CHRNA7: variants seen among roughly 807,000 people sequenced by gnomAD.
The protein encoded by CHRNA7 is neuronal acetylcholine receptor subunit alpha-7.
A neutral mutation model predicts 48.0 loss-of-function variants in CHRNA7; 17 were observed. The observed-to-expected ratio is 0.35, with a 90% CI of 0.24 to 0.53. CHRNA7 has a LOEUF of 0.53. CHRNA7 is among the 20% of genes least tolerant of loss of function. The pLI is 0.92. For missense variants in CHRNA7, 155 were observed against 577.7 expected (o/e 0.27, Z 7.50); for synonymous variants, 75 against 242.3 (o/e 0.31, Z 6.41).
At chr15:32,152,990 G>A (rs1176984696) in intron 4 of CHRNA7, among the ~76,000 whole-genome samples, 1 of 152,096 alleles carries the variant, frequency 6.6e-6, no homozygotes, top group African/African-American at 2.4e-5. Flanking sequence ...AGGGGCAGTG[G>A]TGCATCCGTC....
rs191086220 is a variant in CHRNA7 at position 32,039,253 on chromosome 15, A to G, written c.195+8216A>G. 1.2e-3 allele frequency among the ~76,000 whole-genome samples: 180 copies of G among 152,040 alleles called. 5 individuals carry two copies. Among genetic ancestry groups the G allele is most frequent in the Non-Finnish European group, 1.1e-3 (76 of 67,942 alleles). On this transcript the variant is annotated intron_variant, in intron 2 of 9. Coordinates refer to ENST00000306901, the MANE Select transcript of CHRNA7 (RefSeq NM_000746.6). ...TTCCTCTATTGATTTCCTGTTTACA[A>G]TTTTGTTGATTTCTACTCTAATTTT...
intron 9 of CHRNA7, chr15:32,166,397 C>T (rs1245414785): frequency 6.6e-6 from 1 of 152,216 alleles, no homozygotes; most frequent in Admixed American, 6.5e-5. Context: ...CTTTCCAGGA[C>T]ACGCAGAGTG....
chr15:32,035,934 C>T (rs1038027672), intron 2 of CHRNA7, among the ~76,000 whole-genome samples: 4 of 152,088 alleles, frequency 2.6e-5, no homozygotes, highest in East Asian at 1.9e-4. Flanking sequence ...TCATCATCAC[C>T]CCAAATGCAT....
At chr15:32,062,676 G>A (rs1373943590) in intron 2 of CHRNA7, among the ~76,000 whole-genome samples, 2 of 152,122 alleles carry the variant, frequency 1.3e-5, no homozygotes, top group Non-Finnish European at 2.9e-5. Flanking sequence ...CATCAACTGA[G>A]TATTCTATGA....
In CHRNA7 at chr15:32,030,550, C is replaced by G. The variant is rs200201606; in HGVS notation, c.-45C>G. The G allele has an allele frequency of 6.9e-7, 1 of 1,442,858 alleles. No homozygotes were observed. The highest frequency in any genetic ancestry group is 3.0e-5 in the East Asian group (1 of 33,156). The allele number at this position is 1,442,858 out of a possible 1,614,324, so 89.4% of individuals were successfully genotyped here. On this transcript the variant is annotated 5_prime_UTR_variant, in exon 1 of 10. Coordinates refer to ENST00000306901, the MANE Select transcript of CHRNA7 (RefSeq NM_000746.6). ...CCGCAGGCGCAGGCCCGGGCGACAG[C>G]CGAGACGTGGAGCGCGCCGGCTCGC...
intron 2 of CHRNA7, among the ~76,000 whole-genome samples, chr15:32,078,201 T>G (rs1421296727): frequency 6.6e-6 from 1 of 152,204 alleles, no homozygotes; most frequent in Admixed American, 6.5e-5. Context: ...AATTTTCTTT[T>G]GCAGAGGAGA....
chr15:32,048,426 A>G (rs529968825), intron 2 of CHRNA7, among the ~76,000 whole-genome samples: 21 of 152,052 alleles, frequency 1.4e-4, no homozygotes, highest in Non-Finnish European at 7.4e-5. Flanking sequence ...GGAATTTACC[A>G]TTTCTTCTAG....
At chr15:32,100,654 C>T (rs970551086) in intron 2 of CHRNA7, 2 of 154,526 alleles carry the variant, frequency 1.3e-5, no homozygotes, top group African/African-American at 4.8e-5. Context: ...GTTTGAATGG[C>T]TGCTTCTAAA....
chr15:32,129,877 C>T (rs181519672), intron 4 of CHRNA7, among the ~76,000 whole-genome samples: 18 of 152,066 alleles, frequency 1.2e-4, no homozygotes, highest in Non-Finnish European at 2.1e-4. Flanking sequence ...GCACTACCAG[C>T]ATGTCATACA....
At chr15:32,064,608 C>T (rs1028189332) in intron 2 of CHRNA7, among the ~76,000 whole-genome samples, 2 of 151,716 alleles carry the variant, frequency 1.3e-5, no homozygotes, top group African/African-American at 2.4e-5. Flanking sequence ...TGGATGGGAA[C>T]GTATTTTGGG....
intron 4 of CHRNA7, among the ~76,000 whole-genome samples, chr15:32,132,680 GGA>G (rs1402989678): frequency 4.6e-5 from 7 of 152,066 alleles, no homozygotes; most frequent in Non-Finnish European, 8.8e-5. Context: ...AGTGGGAGAG[GGA>G]GAGAGAGGGG....
At chr15:32,093,812 A>C (rs1415285881) in intron 2 of CHRNA7, among the ~76,000 whole-genome samples, 1 of 152,196 alleles carries the variant, frequency 6.6e-6, no homozygotes, top group Non-Finnish European at 1.5e-5. Context: ...CACGTATTAC[A>C]CTGTGGTCTG....
intron 2 of CHRNA7, among the ~76,000 whole-genome samples, chr15:32,085,468 T>C (rs2050281051): frequency 6.6e-6 from 1 of 152,228 alleles, no homozygotes; most frequent in Non-Finnish European, 1.5e-5. Context: ...TTTTAACTTT[T>C]TTATTTAAAA....
chr15:32,140,574 T>C (rs2051360200), intron 4 of CHRNA7, among the ~76,000 whole-genome samples: 2 of 152,190 alleles, frequency 1.3e-5, no homozygotes, highest in South Asian at 2.1e-4. Flanking sequence ...ACATCCTCTC[T>C]AGCATCTGTT....
intron 4 of CHRNA7, among the ~76,000 whole-genome samples, chr15:32,117,663 AAGCCTGCATCCC>A (rs1242254036): frequency 6.6e-6 from 1 of 152,134 alleles, no homozygotes; most frequent in Non-Finnish European, 1.5e-5. Flanking sequence ...AGAAGAGCCC[AAGCCTGCATCCC>A]AGCAAGGGGT....
rs990386961 is a variant in CHRNA7 at position 32,170,276 on chromosome 15, A to G, written c.*1818A>G. 3 of 119,278 alleles carry G rather than the reference A, an allele frequency of 2.5e-5. No individual in the cohort carries two copies. Among genetic ancestry groups the G allele is most frequent in the Non-Finnish European group, 5.2e-5 (3 of 58,190 alleles). The allele number at this position is 119,278 out of a possible 1,614,324, so 7.4% of individuals were successfully genotyped here. A position where few individuals can be genotyped will look rare whatever the true frequency, so the allele number is the denominator to read the frequency against. On this transcript the variant is annotated 3_prime_UTR_variant, in exon 10 of 10. Coordinates refer to ENST00000306901, the MANE Select transcript of CHRNA7 (RefSeq NM_000746.6). ...TGTGTGCGGTGTGTGTGTGTGTGTA[A>G]GTGTGAGGTACCTTGTGTGTGACAA...
chr15:32,085,385 A>T (rs6494211), intron 2 of CHRNA7, among the ~76,000 whole-genome samples: 53,370 of 151,976 alleles, frequency 0.35, 9,484 homozygotes, highest in East Asian at 0.61. Context: ...TATTTTCTGT[A>T]TCTTTATCCT....
At chr15:32,076,773 C>T (rs2050142152) in intron 2 of CHRNA7, among the ~76,000 whole-genome samples, 1 of 152,212 alleles carries the variant, frequency 6.6e-6, no homozygotes, top group South Asian at 2.1e-4. Flanking sequence ...CCTACACTGA[C>T]ACATCATTGT....
At chr15:32,152,949 T>C (rs1444202170) in intron 4 of CHRNA7, among the ~76,000 whole-genome samples, 1 of 152,176 alleles carries the variant, frequency 6.6e-6, no homozygotes, top group Admixed American at 6.5e-5. Context: ...TGTTAACTCC[T>C]GGCTGCAGGA....
Sources: allele counts gnomAD v4.1 joint callset (sites outside exome capture counted in the v4.1 genomes callset), GRCh38; gene constraint gnomAD v4.1.1; transcripts MANE v1.5; gene names NCBI Gene and HGNC (gene_info 2026-07-23, HGNC 2026-07-21).